CTNNA2: variants seen among roughly 807,000 people sequenced by gnomAD.
CTNNA2 encodes catenin alpha 2.
Under a neutral mutation model 101.0 loss-of-function variants are expected in CTNNA2, and 42 were observed. The ratio of observed to expected loss-of-function variants is 0.42; its 90% CI spans 0.32 to 0.54. CTNNA2 has a LOEUF of 0.54. Ranked by LOEUF, CTNNA2 falls within the 20% of genes least tolerant of loss-of-function variation. The probability of loss-of-function intolerance (pLI) is 0.14; values close to 1 mark genes in which losing one functional copy is unlikely to be tolerated. For synonymous variants in CTNNA2, 450 were observed against 456.4 expected, an observed-to-expected ratio of 0.99 and a Z score of 0.18; for missense variants, 871 against 1,223.1, an observed-to-expected ratio of 0.71 and a Z score of 4.29.
intron 7 of CTNNA2, among the ~76,000 whole-genome samples, chr2:80,079,193 T>C (rs1032670544): frequency 3.3e-5 from 5 of 152,184 alleles, no homozygotes; most frequent in African/African-American, 1.2e-4. Context: ...TGCAAAGGAC[T>C]GTGAGGACAC....
At chr2:80,016,693 A>G (rs2104066643) in intron 7 of CTNNA2, among the ~76,000 whole-genome samples, 1 of 152,160 alleles carries the variant, frequency 6.6e-6, no homozygotes, top group Middle Eastern at 3.4e-3. Context: ...CCTTTTATGT[A>G]TTTACCAGGA....
chr2:79,872,340 A>ATCTCT (rs1312175963), intron 5 of CTNNA2, among the ~76,000 whole-genome samples: 2 of 151,954 alleles, frequency 1.3e-5, no homozygotes, highest in Admixed American at 1.3e-4. Flanking sequence ...GATTTTCACA[A>ATCTCT]CCCGCATTTC....
At chr2:79,224,886 T>C (rs2104227916) in intron 2 of CTNNA2, among the ~76,000 whole-genome samples, 1 of 151,886 alleles carries the variant, frequency 6.6e-6, no homozygotes, top group East Asian at 1.9e-4. Flanking sequence ...TTTATATATA[T>C]ATGGACTCAT....
chr2:80,602,361 A>G (rs1305510001), intron 15 of CTNNA2, among the ~76,000 whole-genome samples: 4 of 152,046 alleles, frequency 2.6e-5, no homozygotes, highest in Non-Finnish European at 4.4e-5. Context: ...GTCAGAATCA[A>G]TCAGCTGGTG....
rs1234073662 is a variant in CTNNA2, at chr2:80,237,077, C to T, written c.1057-156134C>T. The stretch of plus-strand genomic sequence containing the variant: ...CCCTGAAATTTCAAGGATCCCTTCC[C>T]ATTGTCAGTCCATGTAACCTCATCC... On this transcript the variant is annotated intron_variant, in intron 7 of 18. Coordinates refer to ENST00000402739, the MANE Select transcript of CTNNA2 (RefSeq NM_001282597.3). Among the ~76,000 whole-genome samples, 12 of 152,258 alleles carry T rather than the reference C, an allele frequency of 7.9e-5. No homozygotes were observed. In the East Asian group the frequency reaches 2.1e-3, roughly 27 times the overall value.
At chr2:80,348,530 T>C (rs1039456958) in intron 7 of CTNNA2, among the ~76,000 whole-genome samples, 3 of 152,154 alleles carry the variant, frequency 2.0e-5, no homozygotes, top group Non-Finnish European at 4.4e-5. Context: ...ATTTGAAAAG[T>C]CTTTATCTGA....
intron 1 of CTNNA2, among the ~76,000 whole-genome samples, chr2:79,598,379 A>G (rs1677335374): frequency 6.6e-6 from 1 of 152,238 alleles, no homozygotes; most frequent in African/African-American, 2.4e-5. Flanking sequence ...GTTGTAAGAA[A>G]CTACCAAACT....
chr2:79,777,908 T>A (rs945816356), intron 3 of CTNNA2, among the ~76,000 whole-genome samples: 1 of 151,160 alleles, frequency 6.6e-6, no homozygotes, highest in African/African-American at 2.4e-5. Flanking sequence ...TTTTTTTTTT[T>A]GTACTTGTCT....
intron 7 of CTNNA2, among the ~76,000 whole-genome samples, chr2:80,335,615 T>A (rs1172764039): frequency 6.6e-6 from 1 of 152,212 alleles, no homozygotes; most frequent in Non-Finnish European, 1.5e-5. Context: ...ACTGTATTTC[T>A]GGCATCAGTA....
intron 7 of CTNNA2, among the ~76,000 whole-genome samples, chr2:80,388,423 A>T (rs775839182): frequency 1.3e-5 from 2 of 152,220 alleles, no homozygotes; most frequent in Non-Finnish European, 2.9e-5. Flanking sequence ...GTTTTAGAGA[A>T]GAGAAAAACT....
chr2:79,277,511 A>G (rs1007676092), intron 2 of CTNNA2, among the ~76,000 whole-genome samples: 10 of 151,988 alleles, frequency 6.6e-5, no homozygotes, highest in Non-Finnish European at 1.0e-4. Flanking sequence ...GGATCCTCTC[A>G]CTGCTGGCTT....
intron 3 of CTNNA2, among the ~76,000 whole-genome samples, chr2:79,748,771 C>T (rs1428207641): frequency 4.0e-5 from 6 of 151,880 alleles, no homozygotes; most frequent in African/African-American, 1.5e-4. Flanking sequence ...AACCTGGCTG[C>T]ATGCCAGATC....
intron 9 of CTNNA2, among the ~76,000 whole-genome samples, chr2:80,472,275 A>G (rs1428527172): frequency 6.6e-6 from 1 of 152,196 alleles, no homozygotes; most frequent in African/African-American, 2.4e-5. Context: ...CAGTGGCACC[A>G]AAAGGACTAT....
In CTNNA2 at chr2:80,254,544, C is replaced by T. The variant is rs550993306; in HGVS notation, c.1057-138667C>T. Among the ~76,000 whole-genome samples, 4 of 152,276 alleles carry T rather than the reference C, an allele frequency of 2.6e-5. No homozygotes were observed. In the East Asian group the frequency reaches 7.7e-4, roughly 29 times the overall value. On this transcript the variant is annotated intron_variant, in intron 7 of 18. Coordinates refer to ENST00000402739, the MANE Select transcript of CTNNA2 (RefSeq NM_001282597.3). The stretch of plus-strand genomic sequence containing the variant: ...CACAGGTTTCCAGAGCTAAGCTGAG[C>T]TAAGGGTCGACTGACCTAGTGTTTC...
At chr2:79,795,424 A>G (rs913459964) in intron 3 of CTNNA2, among the ~76,000 whole-genome samples, 4 of 152,102 alleles carry the variant, frequency 2.6e-5, no homozygotes, top group Admixed American at 6.5e-5. Flanking sequence ...ATTTTTATGT[A>G]TGTGTTTAAA....
chr2:80,561,819 C>A (rs1312744488), intron 12 of CTNNA2, among the ~76,000 whole-genome samples: 2 of 137,624 alleles, frequency 1.5e-5, no homozygotes, highest in Non-Finnish European at 3.1e-5. Flanking sequence ...CGCCACCACG[C>A]CTGGCTAATT....
At chr2:79,902,062 T>TA (rs1397979636) in intron 6 of CTNNA2, among the ~76,000 whole-genome samples, 2 of 152,212 alleles carry the variant, frequency 1.3e-5, no homozygotes, top group Admixed American at 6.5e-5. Flanking sequence ...AGTAGCATTT[T>TA]AGAGGTTTTA....
chr2:79,264,064 G>T (rs1434184), intron 2 of CTNNA2, among the ~76,000 whole-genome samples: 1 of 151,978 alleles, frequency 6.6e-6, no homozygotes, highest in Admixed American at 6.6e-5. Context: ...GTAAAGAAAT[G>T]TAAGTGAGTG....
chr2:79,486,983 A>G (rs1671164597), intron 4 of CTNNA2, among the ~76,000 whole-genome samples: 1 of 152,256 alleles, frequency 6.6e-6, no homozygotes, highest in African/African-American at 2.4e-5. Flanking sequence ...ACACAGAAAG[A>G]ATACATGTAT....
Sources: allele counts gnomAD v4.1 joint callset (sites outside exome capture counted in the v4.1 genomes callset), GRCh38; gene constraint gnomAD v4.1.1; transcripts MANE v1.5; gene names NCBI Gene and HGNC (gene_info 2026-07-23, HGNC 2026-07-21).